The following CFAP44 variants were observed in gnomAD, a reference collection of about 807,000 sequenced individuals.
CFAP44 encodes the protein cilia- and flagella-associated protein 44.
In CFAP44, 134 loss-of-function variants were observed where a neutral mutation model predicts 216.2. The observed-to-expected ratio is 0.62, with a 90% CI of 0.54 to 0.72. CFAP44 has a LOEUF of 0.72. Among genes scored for constraint, CFAP44 ranks in the 30% least tolerant of loss-of-function variants. The pLI is 0.00. For missense variants in CFAP44, 2,035 were observed against 2,182.1 expected (o/e 0.93, Z 1.34); for synonymous variants, 700 against 727.6 (o/e 0.96, Z 0.61).
At chr3:113,409,531 T>C (rs1934394985) in intron 6 of CFAP44, among the ~76,000 whole-genome samples, 5 of 152,188 alleles carry the variant, frequency 3.3e-5, no homozygotes. Context: ...CTTAATCACA[T>C]ATTGCATGAG....
At chr3:113,417,230 A>C (rs994960982) in intron 5 of CFAP44, 2 of 152,232 alleles carry the variant, frequency 1.3e-5, no homozygotes, top group Non-Finnish European at 2.9e-5. Flanking sequence ...GTTACATCAC[A>C]ATTTTTAAAA....
chr3:113,341,812 T>C lies in CFAP44; in HGVS notation c.3369A>G (p.Arg1123=). Residue 1123 remains arginine (R), a synonymous_variant, in exon 24 of 35, where the codon AGA becomes AGG. Transcript: ENST00000393845. ...IIVENQIEKT[R]KLILKAERAQ... is the part of the protein sequence containing the mutation. ...CCCTTTCAGCTTTTAATATAAGTTT[T>C]CTCGTTTTCTCAATTTGATTTTCCA... is the stretch of plus-strand genomic sequence containing the variant. 1 of 1,531,524 alleles carries C rather than the reference T, an allele frequency of 6.5e-7. No homozygotes were observed. Among genetic ancestry groups the C allele is most frequent in the Non-Finnish European group, 8.7e-7 (1 of 1,145,830 alleles). The allele number at this position is 1,531,524 out of a possible 1,614,324, so 94.9% of individuals were successfully genotyped here.
At chr3:113,404,380 T>C (rs1236029991) in intron 8 of CFAP44, among the ~76,000 whole-genome samples, 1 of 152,196 alleles carries the variant, frequency 6.6e-6, no homozygotes, top group Non-Finnish European at 1.5e-5. Flanking sequence ...AAATTTTAGA[T>C]GTTAGATAAC....
chr3:113,363,945 T>C (rs1293109076), intron 19 of CFAP44, among the ~76,000 whole-genome samples: 3 of 152,152 alleles, frequency 2.0e-5, no homozygotes, highest in Non-Finnish European at 4.4e-5. Context: ...CAGTGTGTCC[T>C]AGAAATATTT....
intron 15 of CFAP44, among the ~76,000 whole-genome samples, chr3:113,385,474 T>A (rs1933623333): frequency 6.6e-6 from 1 of 152,200 alleles, no homozygotes; most frequent in Non-Finnish European, 1.5e-5. Context: ...TCTTTCTTTT[T>A]TAAAAAACTT....
intron 5 of CFAP44, among the ~76,000 whole-genome samples, chr3:113,417,805 C>T (rs545132878): frequency 6.6e-6 from 1 of 152,112 alleles, no homozygotes; most frequent in Admixed American, 6.6e-5. Context: ...AGTCAAGAAG[C>T]AAACGGGCCT....
chr3:113,355,120 G>A (rs912459554), intron 22 of CFAP44, among the ~76,000 whole-genome samples: 3 of 152,120 alleles, frequency 2.0e-5, no homozygotes, highest in Non-Finnish European at 1.5e-5. Context: ...TGGGTACAGA[G>A]TACACTGCTC....
chr3:113,410,778 T>C (rs1418002316), intron 6 of CFAP44, among the ~76,000 whole-genome samples: 2 of 152,198 alleles, frequency 1.3e-5, no homozygotes, highest in East Asian at 1.9e-4. Flanking sequence ...TGTAAAAGCA[T>C]TCCTATTTCT....
At chr3:113,356,778 A>G (rs1440574893) in intron 22 of CFAP44, among the ~76,000 whole-genome samples, 5 of 152,214 alleles carry the variant, frequency 3.3e-5, no homozygotes, top group Admixed American at 6.5e-5. Context: ...ACACAAAAGC[A>G]TTAATCTTTA....
intron 24 of CFAP44, among the ~76,000 whole-genome samples, chr3:113,335,979 G>C (rs1350087036): frequency 6.6e-6 from 1 of 152,082 alleles, no homozygotes; most frequent in African/African-American, 2.4e-5. Flanking sequence ...ACAAGTCAAG[G>C]AAGAAATCAC....
At position 113,308,272 on chromosome 3, in the gene CFAP44, T is replaced by C; in HGVS notation, c.4517-4A>G. 6.6e-6 allele frequency: 10 copies of C among 1,521,868 alleles called. No homozygotes were observed. The highest frequency in any genetic ancestry group is 7.0e-6 in the Non-Finnish European group (8 of 1,140,392). The allele number at this position is 1,521,868 out of a possible 1,614,324, so 94.3% of individuals were successfully genotyped here. ...TCCTCACTCTCCTCATCTTCATCTA[T>C]GGAAAGAGGAGGGCATTGTTAACAA... On this transcript the variant is annotated splice_region_variant and splice_polypyrimidine_tract_variant and intron_variant, in intron 28 of 34. Transcript: ENST00000393845.
rs1001052238 is a variant in CFAP44, at chr3:113,330,680, A to G, written c.3616-12T>C. The G allele has an allele frequency of 1.3e-6, 2 of 1,523,036 alleles. No homozygotes were observed. Among genetic ancestry groups the G allele is most frequent in the African/African-American group, 2.8e-5 (2 of 72,216 alleles). The allele number at this position is 1,523,036 out of a possible 1,614,324, so 94.3% of individuals were successfully genotyped here. ...TTATTTCCATGGACCTGAAAAAAAG[A>G]AGAGGAAGGAAACAACAGTACAACC... On this transcript the variant is annotated splice_polypyrimidine_tract_variant and intron_variant, in intron 25 of 34. Coordinates refer to ENST00000393845, the MANE Select transcript of CFAP44 (RefSeq NM_001164496.2).
intron 28 of CFAP44, among the ~76,000 whole-genome samples, chr3:113,310,110 A>G (rs1950024166): frequency 1.3e-5 from 2 of 152,120 alleles, no homozygotes; most frequent in Admixed American, 1.3e-4. Flanking sequence ...GGTGTTAGAG[A>G]AGGGCAAGCA....
At chr3:113,417,653 A>G (rs905285179) in intron 5 of CFAP44, among the ~76,000 whole-genome samples, 1 of 152,196 alleles carries the variant, frequency 6.6e-6, no homozygotes, top group African/African-American at 2.4e-5. Flanking sequence ...TAAATTTTAT[A>G]CCAACCTTGT....
rs552070045 is a variant in CFAP44, at chr3:113,400,073, T to G, written c.1475-73A>C. The G allele has an allele frequency of 2.5e-5, 24 of 963,604 alleles. No homozygotes were observed. The South Asian group carries it at 5.8e-4, about 23-fold the overall frequency. The allele number at this position is 963,604 out of a possible 1,614,324, so 59.7% of individuals were successfully genotyped here. On this transcript the variant is annotated intron_variant, in intron 12 of 34. Coordinates refer to ENST00000393845, the MANE Select transcript of CFAP44 (RefSeq NM_001164496.2). Reference sequence around the variant, plus strand: ...TTTAAGTCTTGGCTCACTTTTTACATGTTGAATATTATAACAAGAAATTTC... The same window carrying G: ...TTTAAGTCTTGGCTCACTTTTTACAGGTTGAATATTATAACAAGAAATTTC...
chr3:113,431,849 A>T (rs771818283), intron 2 of CFAP44, among the ~76,000 whole-genome samples: 1 of 152,236 alleles, frequency 6.6e-6, no homozygotes, highest in Non-Finnish European at 1.5e-5. Flanking sequence ...AGAACCTTAA[A>T]TAGTCAAGAT....
In CFAP44 at chr3:113,385,264, G is replaced by A. The variant is rs144002231; in HGVS notation, c.1891-4204C>T. On this transcript the variant is annotated intron_variant, in intron 15 of 34. Transcript: ENST00000393845. ...AGTCTTGGGTATGTCTTTATCAGTA[G>A]TGTGAAAACAGACTAATACAATTTC... 2.0e-5 allele frequency among the ~76,000 whole-genome samples: 3 copies of A among 152,254 alleles called. No individual in the cohort carries two copies. The East Asian group carries it at 5.8e-4, about 29-fold the overall frequency.
intron 5 of CFAP44, among the ~76,000 whole-genome samples, chr3:113,417,732 G>T (rs1356187696): frequency 1.3e-5 from 2 of 152,086 alleles, no homozygotes; most frequent in Non-Finnish European, 2.9e-5. Context: ...CAAGTAACTT[G>T]CCTGCAGTCA....
intron 28 of CFAP44, among the ~76,000 whole-genome samples, chr3:113,324,046 A>AAAAAAAAAAAAAAAC (rs1950168845): frequency 6.6e-6 from 1 of 150,994 alleles, no homozygotes; most frequent in African/African-American, 2.4e-5. Flanking sequence ...CCGTCTCAAA[A>AAAAAAAAAAAAAAAC]AAAAAAAAAA....
Sources: gnomAD v4.1 joint callset for allele counts (sites outside exome capture counted in the v4.1 genomes callset) on GRCh38, gnomAD v4.1.1 for gene constraint, MANE v1.5 for transcripts, NCBI Gene and HGNC (gene_info 2026-07-23, HGNC 2026-07-21) for gene names.